The following EPB41L1 variants were observed in gnomAD, a reference collection of about 807,000 sequenced individuals.
The protein encoded by EPB41L1 is band 4.1-like protein 1.
A neutral mutation model predicts 97.8 loss-of-function variants in EPB41L1; 29 were observed. That is an observed-to-expected ratio of 0.30 (90% confidence interval 0.22 to 0.40). EPB41L1 has a LOEUF of 0.40. Ranked by LOEUF, EPB41L1 falls within the 10% of genes least tolerant of loss-of-function variation. The pLI is 1.00. For synonymous variants in EPB41L1, 383 were observed against 459.2 expected (o/e 0.83, Z 2.12); for missense variants, 812 against 1,162.3 (o/e 0.70, Z 4.38).
At chr20:36,166,198 A>G (rs954605096) in intron 1 of EPB41L1, among the ~76,000 whole-genome samples, 1 of 152,208 alleles carries the variant, frequency 6.6e-6, no homozygotes, top group Non-Finnish European at 1.5e-5. Flanking sequence ...TCAACCTTTT[A>G]TCCATCTACC....
chr20:36,098,019 A>G (rs2057889554), intron 1 of EPB41L1, among the ~76,000 whole-genome samples: 1 of 152,144 alleles, frequency 6.6e-6, no homozygotes. Flanking sequence ...GGAGGAAGGG[A>G]AGGACTGTTG....
Position 36,175,473 on chromosome 20 carries a change from C to CA in EPB41L1, c.178-78_178-77insA, listed in dbSNP as rs985439323. On this transcript the variant is annotated intron_variant, in intron 2 of 21. Transcript: ENST00000338074. ...GGGTCTGTCTTGGCCCCAGATGCCT[C>CA]TATATTGCTTCTTACTTATATGAAA... is the stretch of plus-strand genomic sequence containing the variant. 33 of 1,568,840 alleles carry CA rather than the reference C, an allele frequency of 2.1e-5. No individual in the cohort carries two copies. The African/African-American group carries it at 4.3e-4, about 21-fold the overall frequency.
chr20:36,222,492 C>T, intron 21 of EPB41L1, 98 bp downstream of exon 21: 1 of 972,482 alleles, frequency 1.0e-6, no homozygotes. Flanking sequence ...TGGCTTGACC[C>T]CTAGTGCAGC....
intron 21 of EPB41L1, among the ~76,000 whole-genome samples, chr20:36,227,145 G>A (rs140213865): frequency 4.6e-5 from 7 of 152,012 alleles, no homozygotes; most frequent in Admixed American, 3.9e-4. Context: ...TGAGACCTTC[G>A]TTTCTATAAA....
chr20:36,156,006 G>A (rs569060422), intron 1 of EPB41L1, among the ~76,000 whole-genome samples: 4 of 151,898 alleles, frequency 2.6e-5, no homozygotes, highest in African/African-American at 9.7e-5. Context: ...GCTCTTGGAA[G>A]ACAGTGCCTC....
chr20:36,107,611 C>T (rs2058239025), intron 1 of EPB41L1, among the ~76,000 whole-genome samples: 1 of 149,928 alleles, frequency 6.7e-6, no homozygotes, highest in Admixed American at 6.7e-5. Context: ...GGGCAGATCA[C>T]TTGACGTCAG....
chr20:36,219,636 G>T, intron 18 of EPB41L1, 125 bp from the exon 19 acceptor site: 1 of 781,766 alleles, frequency 1.3e-6, no homozygotes. Context: ...AATTCTTAAT[G>T]GCTGAAAGCA....
At chr20:36,164,804 G>A (rs6142523) in intron 1 of EPB41L1, among the ~76,000 whole-genome samples, 1 of 151,862 alleles carries the variant, frequency 6.6e-6, no homozygotes, top group Non-Finnish European at 1.5e-5. Flanking sequence ...TCCTGTCTCA[G>A]GCTCCCGAGT....
intron 17 of EPB41L1, 107 bp from the exon 18 acceptor site, chr20:36,218,769 T>G: frequency 1.0e-6 from 1 of 1,004,320 alleles, no homozygotes; most frequent in East Asian, 2.6e-5. Context: ...GCTTCTATTA[T>G]TTCTACTCAA....
At chr20:36,125,744 AG>A (rs1285098573) in intron 2 of EPB41L1, among the ~76,000 whole-genome samples, 1 of 152,182 alleles carries the variant, frequency 6.6e-6, no homozygotes, top group East Asian at 1.9e-4. Flanking sequence ...AAGACACTGC[AG>A]GGTATCAGGT....
chr20:36,181,183 T>C (rs997122341), intron 5 of EPB41L1, among the ~76,000 whole-genome samples: 2 of 152,158 alleles, frequency 1.3e-5, no homozygotes, highest in African/African-American at 4.8e-5. Flanking sequence ...AGCCCTGCCA[T>C]GGATGGGCCT....
At chr20:36,130,975 ATTT>A (rs778904971) in intron 2 of EPB41L1, among the ~76,000 whole-genome samples, 1 of 124,332 alleles carries the variant, frequency 8.0e-6, no homozygotes. Flanking sequence ...CACCCGGCTA[ATTT>A]TTTTTTTTTT....
intron 1 of EPB41L1, among the ~76,000 whole-genome samples, chr20:36,103,158 G>C (rs934464098): frequency 6.6e-6 from 1 of 152,180 alleles, no homozygotes; most frequent in Non-Finnish European, 1.5e-5. Context: ...GTTCCCCTCT[G>C]GGGGATGAGT....
At chr20:36,203,851 C>T (rs1160945812) in intron 14 of EPB41L1, among the ~76,000 whole-genome samples, 1 of 152,174 alleles carries the variant, frequency 6.6e-6, no homozygotes, top group Non-Finnish European at 1.5e-5. Context: ...TCTCAAAACA[C>T]AGTGGGGACA....
intron 2 of EPB41L1, among the ~76,000 whole-genome samples, chr20:36,114,104 T>C (rs1407840891): frequency 1.3e-5 from 2 of 152,210 alleles, no homozygotes; most frequent in Non-Finnish European, 2.9e-5. Context: ...AATGGTCTCA[T>C]GACTTCCCCT....
chr20:36,187,861 C>T, intron 8 of EPB41L1, 98 bp downstream of exon 8: 1 of 1,005,744 alleles, frequency 9.9e-7, no homozygotes, highest in South Asian at 1.4e-5. Context: ...CCCTGTGTTA[C>T]CTCCAACTTG....
In EPB41L1 at chr20:36,187,710, T is replaced by C. The variant is rs2146269095; in HGVS notation, c.820T>C (p.Leu274=). 6.2e-7 allele frequency: 1 copy of C among 1,614,130 alleles called. No individual in the cohort carries two copies. The highest frequency in any genetic ancestry group is 8.5e-7 in the Non-Finnish European group (1 of 1,180,010). The part of the protein sequence containing the change: ...MTPGEAEIHF[L]ENAKKLSMYG... ...CCCGGGAGAAGCAGAAATCCACTTC[T>C]TAGAGAATGCCAAGAAGCTTTCCAT... The change falls in exon 8 of 22, where the codon TTA becomes CTA. Residue 274 remains leucine (L), a synonymous_variant. Transcript: ENST00000338074.
Position 36,229,538 on chromosome 20 carries a change from C to A in EPB41L1, c.*198C>A. The A allele has an allele frequency of 2.1e-6, 1 of 478,248 alleles. No individual in the cohort carries two copies. Among genetic ancestry groups the A allele is most frequent in the Non-Finnish European group, 3.8e-6 (1 of 262,766 alleles). 29.6% of individuals were successfully genotyped at this position (478,248 alleles called of 1,614,324 possible). On this transcript the variant is annotated 3_prime_UTR_variant, in exon 22 of 22. Coordinates refer to ENST00000338074, the MANE Select transcript of EPB41L1 (RefSeq NM_012156.2). Reference sequence around the variant, plus strand: ...GATATATATACAGGAAACACCGCATCCTTGCACTGCTGCTGGGGCTGGCAG... The same window carrying A: ...GATATATATACAGGAAACACCGCATACTTGCACTGCTGCTGGGGCTGGCAG...
In EPB41L1 at chr20:36,210,088, G is replaced by A. The variant is rs574080803; in HGVS notation, c.2079+190G>A. Among the ~76,000 whole-genome samples the A allele has an allele frequency of 2.6e-5, 4 of 152,284 alleles. No homozygotes were observed. In the East Asian group the frequency reaches 7.8e-4, roughly 30 times the overall value. On this transcript the variant is annotated intron_variant, in intron 15 of 21. Coordinates refer to ENST00000338074, the MANE Select transcript of EPB41L1 (RefSeq NM_012156.2). ...TGCCATCTCGGTTTACCCCTAACAC[G>A]CGCTCCTTGGTATTTTAACCCTGTG... is the stretch of plus-strand genomic sequence containing the variant.
Sources: gnomAD v4.1 joint callset for allele counts (sites outside exome capture counted in the v4.1 genomes callset) on GRCh38, gnomAD v4.1.1 for gene constraint, MANE v1.5 for transcripts, NCBI Gene and HGNC (gene_info 2026-07-23, HGNC 2026-07-21) for gene names.